The following TPRG1 variants were observed in gnomAD, a reference collection of about 807,000 sequenced individuals.
TPRG1 encodes the protein tumor protein p63-regulated gene 1 protein.
Under a neutral mutation model 29.3 loss-of-function variants are expected in TPRG1, and 29 were observed. The ratio of observed to expected loss-of-function variants is 0.99; its 90% confidence interval spans 0.74 to 1.35. TPRG1 has a LOEUF of 1.35. Ranked by LOEUF, TPRG1 falls within the 40% of genes most tolerant of loss-of-function variation. The pLI is 0.00. For synonymous variants in TPRG1, 130 were observed against 116.8 expected (o/e 1.11, Z -0.73); for missense variants, 327 against 335.0 (o/e 0.98, Z 0.19).
intron 4 of TPRG1, among the ~76,000 whole-genome samples, chr3:189,263,141 TG>T (rs1222198560): frequency 1.3e-5 from 2 of 152,228 alleles, no homozygotes; most frequent in Non-Finnish European, 2.9e-5. Flanking sequence ...GCAGGAAGAC[TG>T]GGAAGTAGGC....
intron 4 of TPRG1, among the ~76,000 whole-genome samples, chr3:189,090,135 A>C (rs1718243368): frequency 1.3e-5 from 2 of 152,146 alleles, no homozygotes; most frequent in South Asian, 4.1e-4. Context: ...TGCATTTAAG[A>C]ACATACGGAT....
chr3:189,271,962 C>G (rs1483180336), intron 4 of TPRG1, among the ~76,000 whole-genome samples: 1 of 152,158 alleles, frequency 6.6e-6, no homozygotes, highest in Admixed American at 6.5e-5. Context: ...GTGGGTATAT[C>G]GAAAAGCCTA....
intron 3 of TPRG1, among the ~76,000 whole-genome samples, chr3:189,015,952 A>C (rs973020821): frequency 6.6e-6 from 1 of 152,204 alleles, no homozygotes; most frequent in Non-Finnish European, 1.5e-5. Context: ...GCCCCCACAC[A>C]GAGTCTCCAC....
Position 189,323,759 on chromosome 3 carries a change from G to T in TPRG1, c.*2939G>T, listed in dbSNP as rs1724505783. 6.6e-6 allele frequency: 1 copy of T among 152,122 alleles called. No homozygotes were observed. The highest frequency in any genetic ancestry group is 2.4e-5 in the African/African-American group (1 of 41,434). 9.4% of individuals were successfully genotyped at this position (152,122 alleles called of 1,614,324 possible). The stretch of plus-strand genomic sequence containing the variant: ...GGCATGATGAGTTTGATTGATAATA[G>T]GAGTAGACGCAAGATACATTAAGTA... On this transcript the variant is annotated 3_prime_UTR_variant, in exon 6 of 6. Transcript: ENST00000345063.
At position 189,312,103 on chromosome 3, in the gene TPRG1, T is replaced by TCTCTC. The variant is rs1560688768; in HGVS notation, c.633+1564_633+1565insCTCTC. Among the ~76,000 whole-genome samples the TCTCTC allele has an allele frequency of 9.4e-4, 65 of 69,466 alleles. 4 individuals carry two copies. The highest frequency in any genetic ancestry group is 8.1e-3 in the Middle Eastern group (1 of 124). 45.6% of individuals were successfully genotyped at this position (69,466 alleles called of 152,430 possible). ...TATGTTTCTTTCTTTCTTTGTTTCT[T>TCTCTC]TGTTTCTTTCTTTGTTTCTTTCTTT... is the stretch of plus-strand genomic sequence containing the variant. On this transcript the variant is annotated intron_variant, in intron 5 of 5. Coordinates refer to ENST00000345063, the MANE Select transcript of TPRG1 (RefSeq NM_198485.4).
At chr3:189,312,840 A>T (rs1722923217) in intron 5 of TPRG1, among the ~76,000 whole-genome samples, 1 of 152,224 alleles carries the variant, frequency 6.6e-6, no homozygotes, top group South Asian at 2.1e-4. Context: ...TAGCCTTCCC[A>T]GTAGCAAAGG....
chr3:189,049,397 C>A (rs1364261508), intron 4 of TPRG1, among the ~76,000 whole-genome samples: 3 of 152,074 alleles, frequency 2.0e-5, no homozygotes, highest in South Asian at 2.1e-4. Flanking sequence ...TCCTGACGAC[C>A]TTCATGACTC....
At chr3:189,086,437 C>A (rs1052278682) in intron 4 of TPRG1, among the ~76,000 whole-genome samples, 1 of 151,932 alleles carries the variant, frequency 6.6e-6, no homozygotes, top group Non-Finnish European at 1.5e-5. Context: ...AAGCTCATTG[C>A]ATCCTGGAGC....
chr3:189,183,184 G>A (rs566000605), intron 1 of TPRG1, among the ~76,000 whole-genome samples: 3 of 152,224 alleles, frequency 2.0e-5, no homozygotes, highest in African/African-American at 4.8e-5. Context: ...CTGGGCGTCC[G>A]GGGGAGACAT....
chr3:189,303,657 A>G (rs931799918), intron 4 of TPRG1, among the ~76,000 whole-genome samples: 3 of 152,202 alleles, frequency 2.0e-5, no homozygotes, highest in African/African-American at 7.2e-5. Flanking sequence ...TCATTCATTC[A>G]CCTTCATTAA....
intron 4 of TPRG1, among the ~76,000 whole-genome samples, chr3:189,285,846 A>G (rs1466790206): frequency 2.0e-5 from 3 of 152,176 alleles, no homozygotes; most frequent in Non-Finnish European, 4.4e-5. Context: ...TACTATCTCC[A>G]TAGAGACTTC....
At position 189,145,359 on chromosome 3, in the gene TPRG1, T is replaced by TA. The variant is rs58210295; in HGVS notation, c.-290-2211dup. ...CCTGGCAACAGAGGGAGACTCCATC[T>TA]AAAAAAAAAAAAAACATGCCAAACT... On this transcript the variant is annotated intron_variant, in intron 3 of 6. Transcript: ENST00000412373. Among the ~76,000 whole-genome samples the TA allele has an allele frequency of 1.5e-3, 165 of 107,328 alleles. 2 individuals are homozygous for TA. Among genetic ancestry groups the TA allele is most frequent in the African/African-American group, 2.4e-3 (71 of 29,496 alleles). 70.4% of individuals were successfully genotyped at this position (107,328 alleles called of 152,430 possible).
chr3:189,102,065 G>A (rs1719272884), intron 1 of TPRG1, among the ~76,000 whole-genome samples: 1 of 152,130 alleles, frequency 6.6e-6, no homozygotes, highest in African/African-American at 2.4e-5. Flanking sequence ...TCTCTTAAAA[G>A]TCTTTGTGTT....
At chr3:189,126,461 GA>G (rs1038354166) in intron 1 of TPRG1, among the ~76,000 whole-genome samples, 1 of 152,214 alleles carries the variant, frequency 6.6e-6, no homozygotes, top group African/African-American at 2.4e-5. Context: ...TATAAATTGG[GA>G]AAAAATACCT....
chr3:189,250,628 A>G (rs972649504), intron 4 of TPRG1, among the ~76,000 whole-genome samples: 10 of 151,100 alleles, frequency 6.6e-5, no homozygotes, highest in African/African-American at 2.4e-4. Context: ...TTATAAGGTC[A>G]AAGGTAAGGC....
intron 3 of TPRG1, among the ~76,000 whole-genome samples, chr3:189,135,535 C>G (rs142827212): frequency 3.3e-5 from 5 of 152,354 alleles, no homozygotes; most frequent in Non-Finnish European, 7.3e-5. Flanking sequence ...TGAAATCTGT[C>G]TACATCTATC....
chr3:189,051,487 G>T (rs1715316241), intron 4 of TPRG1, among the ~76,000 whole-genome samples: 2 of 152,070 alleles, frequency 1.3e-5, no homozygotes, highest in African/African-American at 4.8e-5. Context: ...TCATGGATGG[G>T]TAGAATCAAT....
intron 1 of TPRG1, among the ~76,000 whole-genome samples, chr3:189,101,864 G>T (rs938998770): frequency 5.9e-5 from 9 of 151,962 alleles, no homozygotes; most frequent in Non-Finnish European, 1.0e-4. Flanking sequence ...TACTTGGTGT[G>T]CTGCATGATC....
rs10576562 is a variant in TPRG1 at position 189,231,943 on chromosome 3, T to TTGTGTGTGTGTG, written c.303-6770_303-6759dup. ...AAATTTCAGAAGCTTCAAACCTGGTTTGTGTGTGTGTGTGTGTGTGTGTGT... is the reference window on the plus strand; with the variant it reads ...AAATTTCAGAAGCTTCAAACCTGGTTTGTGTGTGTGTGTGTGTGTGTGTGTGTGTGTGTGTGT... On this transcript the variant is annotated intron_variant, in intron 3 of 5. Coordinates refer to ENST00000345063, the MANE Select transcript of TPRG1 (RefSeq NM_198485.4). Among the ~76,000 whole-genome samples, 902 of 147,690 alleles carry TTGTGTGTGTGTG rather than the reference T, an allele frequency of 6.1e-3. 5 individuals carry two copies. The highest frequency in any genetic ancestry group is 8.3e-3 in the Non-Finnish European group (549 of 66,374).
Sources: allele counts gnomAD v4.1 joint callset (sites outside exome capture counted in the v4.1 genomes callset), GRCh38; gene constraint gnomAD v4.1.1; transcripts MANE v1.5; gene names NCBI Gene and HGNC (gene_info 2026-07-23, HGNC 2026-07-21).